Variants in PLPPR1 observed in about 807,000 individuals in gnomAD.
PLPPR1 encodes the protein phospholipid phosphatase-related protein type 1.
Under a neutral mutation model 33.1 loss-of-function variants are expected in PLPPR1, and 10 were observed. That is an observed-to-expected ratio of 0.30 (90% CI 0.19 to 0.51). The LOEUF is 0.51. Among genes scored for constraint, PLPPR1 ranks in the 20% least tolerant of loss-of-function variants. The pLI is 0.97. For synonymous variants in PLPPR1, 151 were observed against 151.0 expected (o/e 1.00, Z 0.00); for missense variants, 304 against 408.1 (o/e 0.74, Z 2.20).
At position 101,269,926 on chromosome 9, in the gene PLPPR1, G is replaced by A. The variant is rs568942556; in HGVS notation, c.110G>A (p.Cys37Tyr). The A allele has an allele frequency of 6.2e-7, 1 of 1,614,148 alleles. No homozygotes were observed. Among genetic ancestry groups the A allele is most frequent in the South Asian group, 1.1e-5 (1 of 91,080 alleles). The change falls in exon 3 of 8, where the codon TGC becomes TAC. Residue 37 changes from cysteine to tyrosine, a missense_variant. Physicochemically the swap from Cys to Tyr is radical, Grantham distance 194. Transcript: ENST00000374874. ...GTGCTGCTTGCCTACTACTTCGAAT[G>A]CACTGACACTTTTCAGGTGCATATC... ...GTVLLAYYFE[C>Y]TDTFQVHIQG...
At chr9:101,218,406 A>G (rs2118782702) in intron 2 of PLPPR1, among the ~76,000 whole-genome samples, 1 of 152,324 alleles carries the variant, frequency 6.6e-6, no homozygotes, top group East Asian at 1.9e-4. Context: ...ACATCAGTCT[A>G]GTTCTGGGTG....
intron 1 of PLPPR1, among the ~76,000 whole-genome samples, chr9:101,029,711 A>T (rs947570689): frequency 6.6e-6 from 1 of 152,100 alleles, no homozygotes; most frequent in Non-Finnish European, 1.5e-5. Context: ...CGCCGGGGTG[A>T]GGCTCGGGTC....
At chr9:101,053,579 T>C (rs1290795796) in intron 1 of PLPPR1, among the ~76,000 whole-genome samples, 1 of 152,216 alleles carries the variant, frequency 6.6e-6, no homozygotes, top group African/African-American at 2.4e-5. Context: ...GTCCCTGCTC[T>C]GGGAGGAATG....
At chr9:101,150,348 T>C (rs1052035546) in intron 1 of PLPPR1, among the ~76,000 whole-genome samples, 1 of 152,200 alleles carries the variant, frequency 6.6e-6, no homozygotes, top group African/African-American at 2.4e-5. Flanking sequence ...TGTTTAATTT[T>C]GCTTGCTTTA....
At chr9:101,100,663 A>C (rs981085572) in intron 1 of PLPPR1, among the ~76,000 whole-genome samples, 3 of 151,654 alleles carry the variant, frequency 2.0e-5, no homozygotes, top group Non-Finnish European at 4.4e-5. Flanking sequence ...AGAAGCTCAA[A>C]GACAGTTCAT....
In PLPPR1 at chr9:101,081,686, C is replaced by T. The variant is rs975105043; in HGVS notation, c.-46+52584C>T. ...TAATTTTTTTCTCTGTGTTACATAT[C>T]GACATGGTCCAATTCTGTTTCTGCT... On this transcript the variant is annotated intron_variant, in intron 1 of 7. Transcript: ENST00000374874. Among the ~76,000 whole-genome samples the T allele has an allele frequency of 2.6e-5, 4 of 152,230 alleles. No individual in the cohort carries two copies. The East Asian group carries it at 7.7e-4, about 29-fold the overall frequency.
chr9:101,196,852 A>G (rs12345075), intron 2 of PLPPR1, among the ~76,000 whole-genome samples: 20,178 of 151,548 alleles, frequency 0.13, 1,607 homozygotes, highest in East Asian at 0.31. Flanking sequence ...GCGACAGAGC[A>G]AGACTCTGTC....
intron 1 of PLPPR1, among the ~76,000 whole-genome samples, chr9:101,039,504 A>C (rs1468972810): frequency 6.6e-6 from 1 of 152,162 alleles, no homozygotes; most frequent in African/African-American, 2.4e-5. Context: ...AACCATTTAG[A>C]TGTCAAGCTT....
chr9:101,073,193 T>G (rs1830500913), intron 1 of PLPPR1, among the ~76,000 whole-genome samples: 1 of 152,188 alleles, frequency 6.6e-6, no homozygotes, highest in African/African-American at 2.4e-5. Flanking sequence ...TTTGCTGTGT[T>G]ATTTCTCAAA....
chr9:101,178,188 C>G lies in PLPPR1; in HGVS notation c.-45-7262C>G, dbSNP rs1826045617. The stretch of plus-strand genomic sequence containing the variant: ...CTTTCCCCAGCCACCCATGTCATTG[C>G]CCAATGGGCCCATGGACAAAGTGGC... On this transcript the variant is annotated intron_variant, in intron 1 of 7. Transcript: ENST00000374874. 2.6e-5 allele frequency among the ~76,000 whole-genome samples: 4 copies of G among 152,182 alleles called. No homozygotes were observed. The South Asian group carries it at 8.3e-4, about 32-fold the overall frequency.
Position 101,312,782 on chromosome 9 carries a change from C to T in PLPPR1, c.637-16C>T. On this transcript the variant is annotated splice_polypyrimidine_tract_variant and intron_variant, in intron 5 of 7. Coordinates refer to ENST00000374874, the MANE Select transcript of PLPPR1 (RefSeq NM_207299.2). ...GGCAGCTGCCTGGTCACTCCCTGGC[C>T]TCTGTCCTATTCCAGATGTATATTA... The T allele has an allele frequency of 6.2e-7, 1 of 1,612,426 alleles. No individual in the cohort carries two copies. The highest frequency in any genetic ancestry group is 1.1e-5 in the South Asian group (1 of 90,990).
intron 1 of PLPPR1, among the ~76,000 whole-genome samples, chr9:101,032,052 A>G (rs1829952013): frequency 6.6e-6 from 1 of 152,192 alleles, no homozygotes; most frequent in African/African-American, 2.4e-5. Context: ...CAAGGAGGAA[A>G]GAAGGGCTTT....
At chr9:101,202,805 T>C (rs538357369) in intron 2 of PLPPR1, among the ~76,000 whole-genome samples, 3 of 152,292 alleles carry the variant, frequency 2.0e-5, no homozygotes, top group Non-Finnish European at 2.9e-5. Flanking sequence ...AGCTACATTG[T>C]TGTTTGAGGT....
At chr9:101,132,324 C>G (rs930138534) in intron 1 of PLPPR1, among the ~76,000 whole-genome samples, 5 of 151,974 alleles carry the variant, frequency 3.3e-5, no homozygotes, top group African/African-American at 1.2e-4. Context: ...AAGTAAAATT[C>G]AGTGCTAAAA....
At chr9:101,088,679 A>G (rs1830705869) in intron 1 of PLPPR1, among the ~76,000 whole-genome samples, 1 of 152,218 alleles carries the variant, frequency 6.6e-6, no homozygotes, top group Non-Finnish European at 1.5e-5. Context: ...GTTGAGCTCT[A>G]TATGAGCAAA....
At chr9:101,276,439 G>A (rs1256741465) in intron 3 of PLPPR1, among the ~76,000 whole-genome samples, 1 of 151,996 alleles carries the variant, frequency 6.6e-6, no homozygotes, top group Non-Finnish European at 1.5e-5. Flanking sequence ...ATGCCACCAA[G>A]AGATATGCTT....
intron 2 of PLPPR1, among the ~76,000 whole-genome samples, chr9:101,251,316 G>A (rs866727698): frequency 1.4e-4 from 22 of 152,068 alleles, no homozygotes; most frequent in East Asian, 7.8e-4. Flanking sequence ...TGTAAAGCAG[G>A]GTATTTCACT....
intron 2 of PLPPR1, among the ~76,000 whole-genome samples, chr9:101,186,900 A>G (rs1234457015): frequency 6.6e-6 from 1 of 151,922 alleles, no homozygotes; most frequent in African/African-American, 2.4e-5. Context: ...ATTTAAGCTA[A>G]ATATCTGAAT....
chr9:101,229,312 C>G lies in PLPPR1; in HGVS notation c.64-40568C>G, dbSNP rs186529284. On this transcript the variant is annotated intron_variant, in intron 2 of 7. Transcript: ENST00000374874. ...TGCAACATTCCCAAGATCTCAGAAA[C>G]AGAAACAAAAGCTAGTTCTCATGTG... Among the ~76,000 whole-genome samples, 21 of 152,224 alleles carry G rather than the reference C, an allele frequency of 1.4e-4. No homozygotes were observed. In the East Asian group the frequency reaches 3.9e-3, roughly 28 times the overall value.
Sources: allele counts gnomAD v4.1 joint callset (sites outside exome capture counted in the v4.1 genomes callset), GRCh38; gene constraint gnomAD v4.1.1; transcripts MANE v1.5; gene names NCBI Gene and HGNC (gene_info 2026-07-23, HGNC 2026-07-21).